VTI1A: variants seen among roughly 807,000 people sequenced by gnomAD.
The protein encoded by VTI1A is vesicle transport through interaction with t-SNAREs homolog 1A.
In VTI1A, 22 loss-of-function variants were observed where a neutral mutation model predicts 34.9. That is an observed-to-expected ratio of 0.63 (90% CI 0.45 to 0.90). VTI1A has a LOEUF of 0.90. Ranked by LOEUF, VTI1A falls within the 40% of genes least tolerant of loss-of-function variation. The probability of loss-of-function intolerance (pLI) is 0.00; values close to 1 mark genes in which losing one functional copy is unlikely to be tolerated. For missense variants in VTI1A, 268 were observed against 275.6 expected (o/e 0.97, Z 0.20); for synonymous variants, 87 against 97.3 (o/e 0.89, Z 0.62).
intron 7 of VTI1A, among the ~76,000 whole-genome samples, chr10:112,794,353 C>T (rs552057641): frequency 2.6e-4 from 39 of 152,096 alleles, no homozygotes; most frequent in African/African-American, 7.7e-4. Context: ...GCCAGGAGTT[C>T]GAGACCGGCC....
intron 7 of VTI1A, among the ~76,000 whole-genome samples, chr10:112,748,154 A>G (rs1465291832): frequency 6.6e-6 from 1 of 152,126 alleles, no homozygotes; most frequent in African/African-American, 2.4e-5. Context: ...CTTCCACCAT[A>G]GGCTGCTGAC....
chr10:112,637,242 G>C (rs143865924), intron 5 of VTI1A, among the ~76,000 whole-genome samples: 28 of 152,272 alleles, frequency 1.8e-4, no homozygotes, highest in African/African-American at 6.5e-4. Flanking sequence ...TCATTGAAGG[G>C]TGTGAACATT....
intron 7 of VTI1A, among the ~76,000 whole-genome samples, chr10:112,722,345 C>T (rs1849841411): frequency 6.6e-6 from 1 of 151,820 alleles, no homozygotes; most frequent in Admixed American, 6.6e-5. Flanking sequence ...GGACATCACA[C>T]ACCGGGACCT....
intron 3 of VTI1A, among the ~76,000 whole-genome samples, chr10:112,470,153 C>A (rs143497138): frequency 6.6e-6 from 1 of 152,298 alleles, no homozygotes; most frequent in Non-Finnish European, 1.5e-5. Flanking sequence ...CCAATTACCC[C>A]ACCATGGCAG....
At chr10:112,639,099 G>C (rs1188084498) in intron 5 of VTI1A, among the ~76,000 whole-genome samples, 1 of 152,072 alleles carries the variant, frequency 6.6e-6, no homozygotes, top group Non-Finnish European at 1.5e-5. Flanking sequence ...CTCTGCTCAT[G>C]AGCAACAGAC....
chr10:112,823,287 T>A (rs1304092195), downstream of VTI1A, among the ~76,000 whole-genome samples: 1 of 152,220 alleles, frequency 6.6e-6, no homozygotes, highest in African/African-American at 2.4e-5. Flanking sequence ...GGGGACTGTT[T>A]AGATCGGGGC....
intron 3 of VTI1A, among the ~76,000 whole-genome samples, chr10:112,487,001 A>G (rs1169256729): frequency 6.6e-6 from 1 of 152,186 alleles, no homozygotes; most frequent in African/African-American, 2.4e-5. Flanking sequence ...TCACTATTTA[A>G]TAGAGATACT....
At chr10:112,624,198 CCTTT>C (rs1845835156) in intron 5 of VTI1A, among the ~76,000 whole-genome samples, 1 of 152,146 alleles carries the variant, frequency 6.6e-6, no homozygotes, top group Non-Finnish European at 1.5e-5. Context: ...TCTTTCATTT[CCTTT>C]CTTTCCATCA....
intron 7 of VTI1A, among the ~76,000 whole-genome samples, chr10:112,748,780 C>CATG (rs1850999243): frequency 6.6e-6 from 1 of 150,998 alleles, no homozygotes; most frequent in African/African-American, 2.5e-5. Flanking sequence ...TGCCCGCCAC[C>CATG]ATGCCCGGCT....
intron 5 of VTI1A, among the ~76,000 whole-genome samples, chr10:112,573,259 G>C (rs772508958): frequency 6.6e-6 from 1 of 152,074 alleles, no homozygotes; most frequent in Non-Finnish European, 1.5e-5. Context: ...ACCTGTCCTT[G>C]TATGCTATCT....
intron 5 of VTI1A, among the ~76,000 whole-genome samples, chr10:112,575,710 T>C (rs1459496780): frequency 6.6e-6 from 1 of 152,238 alleles, no homozygotes; most frequent in Non-Finnish European, 1.5e-5. Context: ...ACTTGAAGGA[T>C]GGCACTATGT....
chr10:112,618,522 T>TAGAGAGAGAGAGAGAGAG lies in VTI1A; in HGVS notation c.428-49695_428-49694insGAGAGAGAGAGAGAGAGA, dbSNP rs1350356577. On this transcript the variant is annotated intron_variant, in intron 5 of 7. Transcript: ENST00000393077. ...ATATATATATATATATATATATATA[T>TAGAGAGAGAGAGAGAGAG]ATAGAGAGAGAGAGAGAGAGAGAGA... Among the ~76,000 whole-genome samples the TAGAGAGAGAGAGAGAGAG allele has an allele frequency of 1.5e-3, 64 of 43,664 alleles. 1 individual carries two copies. The highest frequency in any genetic ancestry group is 3.3e-3 in the African/African-American group (29 of 8,854). The allele number at this position is 43,664 out of a possible 152,430, so 28.6% of individuals were successfully genotyped here. A position where few individuals can be genotyped will look rare whatever the true frequency, so the allele number is the denominator to read the frequency against.
At chr10:112,490,324 G>C (rs1335318039) in intron 3 of VTI1A, among the ~76,000 whole-genome samples, 1 of 152,140 alleles carries the variant, frequency 6.6e-6, no homozygotes, top group Non-Finnish European at 1.5e-5. Flanking sequence ...TTGGCTCACC[G>C]GTTGGTTTAT....
intron 7 of VTI1A, among the ~76,000 whole-genome samples, chr10:112,773,533 G>C (rs1008757173): frequency 6.6e-6 from 1 of 152,326 alleles, no homozygotes; most frequent in African/African-American, 2.4e-5. Flanking sequence ...ACCACTGGAA[G>C]TCTTAGGAAA....
intron 5 of VTI1A, among the ~76,000 whole-genome samples, chr10:112,560,927 A>G (rs189133500): frequency 6.4e-4 from 97 of 152,130 alleles, no homozygotes; most frequent in Non-Finnish European, 9.7e-4. Context: ...GTTTCTCACT[A>G]ACCTTTAGCA....
intron 5 of VTI1A, among the ~76,000 whole-genome samples, chr10:112,605,139 A>T (rs1403484459): frequency 6.6e-6 from 1 of 151,878 alleles, no homozygotes; most frequent in Non-Finnish European, 1.5e-5. Flanking sequence ...CTTCCCCCAC[A>T]CTCGGCTCAA....
chr10:112,793,634 C>T (rs1374785663), intron 7 of VTI1A, among the ~76,000 whole-genome samples: 1 of 152,186 alleles, frequency 6.6e-6, no homozygotes, highest in African/African-American at 2.4e-5. Context: ...ATGCCAGATG[C>T]TACAAACGCA....
At chr10:112,592,127 G>C (rs537424357) in intron 5 of VTI1A, among the ~76,000 whole-genome samples, 7 of 152,278 alleles carry the variant, frequency 4.6e-5, no homozygotes, top group African/African-American at 1.4e-4. Context: ...CAAGGAACAA[G>C]TTCAGCCAGT....
chr10:112,572,834 G>A lies in VTI1A; in HGVS notation c.427+34504G>A, dbSNP rs6585161. On this transcript the variant is annotated intron_variant, in intron 5 of 7. Coordinates refer to ENST00000393077, the MANE Select transcript of VTI1A (RefSeq NM_145206.4). ...AGACTGGGCGACAGAGCGAGACTCC[G>A]TCTCAACCAAAAAAAAAAAAAAAAA... Among the ~76,000 whole-genome samples the A allele has an allele frequency of 1.4e-4, 18 of 126,536 alleles. No individual in the cohort carries two copies. In the South Asian group the frequency reaches 3.7e-3, roughly 26 times the overall value. The allele number at this position is 126,536 out of a possible 152,430, so 83.0% of individuals were successfully genotyped here.
Sources: gnomAD v4.1 joint callset for allele counts (sites outside exome capture counted in the v4.1 genomes callset) on GRCh38, gnomAD v4.1.1 for gene constraint, MANE v1.5 for transcripts, NCBI Gene and HGNC (gene_info 2026-07-23, HGNC 2026-07-21) for gene names.